The following MYO18A variants were observed in gnomAD, a reference collection of about 807,000 sequenced individuals.
MYO18A encodes the protein unconventional myosin-XVIIIa.
Under a neutral mutation model 235.8 loss-of-function variants are expected in MYO18A, and 78 were observed. The observed-to-expected ratio is 0.33, with a 90% CI of 0.28 to 0.40. The LOEUF (loss-of-function observed/expected upper bound fraction) is 0.40. MYO18A is among the 10% of genes least tolerant of loss of function. MYO18A has a pLI of 1.00. For missense variants in MYO18A, 2,215 were observed against 2,699.3 expected (o/e 0.82, Z 3.98); for synonymous variants, 977 against 1,077.8 (o/e 0.91, Z 1.83).
intron 2 of MYO18A, among the ~76,000 whole-genome samples, chr17:29,136,183 C>T (rs760269501): frequency 1.0e-4 from 15 of 146,604 alleles, no homozygotes; most frequent in Non-Finnish European, 1.9e-4. Flanking sequence ...GAGCAGAGAT[C>T]GCAATACTGC....
Position 29,082,861 on chromosome 17 carries a change from T to C in MYO18A, c.5898-423A>G, listed in dbSNP as rs368258362. On this transcript the variant is annotated intron_variant, in intron 40 of 41. Transcript: ENST00000527372. ...TCTGCCATTCCTCAGATTGTGGCTATAGCTGCTGTCAATTTCCATGCCTTT... is the reference window on the plus strand; with the variant it reads ...TCTGCCATTCCTCAGATTGTGGCTACAGCTGCTGTCAATTTCCATGCCTTT... Among the ~76,000 whole-genome samples, 153 of 152,338 alleles carry C rather than the reference T, an allele frequency of 1.0e-3. 1 individual carries two copies. Among genetic ancestry groups the C allele is most frequent in the African/African-American group, 3.6e-3 (149 of 41,576 alleles).
At chr17:29,132,079 C>T (rs923291263) in intron 2 of MYO18A, among the ~76,000 whole-genome samples, 5 of 152,160 alleles carry the variant, frequency 3.3e-5, no homozygotes, top group African/African-American at 1.2e-4. Flanking sequence ...CTGCCAACCA[C>T]GCAGCCGAGG....
chr17:29,174,727 G>A (rs898875015), intron 1 of MYO18A, among the ~76,000 whole-genome samples: 2 of 151,982 alleles, frequency 1.3e-5, no homozygotes, highest in East Asian at 1.9e-4. Flanking sequence ...CAGGAGAATC[G>A]CTTGAATCCA....
In MYO18A at chr17:29,128,456, G is replaced by T. The variant is rs189163118; in HGVS notation, c.1000-6203C>A. The T allele has an allele frequency of 2.8e-3, 3,568 of 1,289,376 alleles. 13 individuals are homozygous for T. Among genetic ancestry groups the T allele is most frequent in the Middle Eastern group, 8.8e-3 (41 of 4,680 alleles). 79.9% of individuals were successfully genotyped at this position (1,289,376 alleles called of 1,614,324 possible). On this transcript the variant is annotated intron_variant, in intron 2 of 41. Transcript: ENST00000527372. The stretch of plus-strand genomic sequence containing the variant: ...GGCGAGTGTGGGTGCAGGGCTCCTG[G>T]CTCTCTGGGAAGTCTCTGGGGGTAT...
In MYO18A at chr17:29,072,446, G is replaced by A. The variant is rs920079371; in HGVS notation, c.*2324C>T. The A allele has an allele frequency of 6.6e-6, 1 of 152,230 alleles. No homozygotes were observed. The highest frequency in any genetic ancestry group is 6.5e-5 in the Admixed American group (1 of 15,276). The allele number at this position is 152,230 out of a possible 1,614,324, so 9.4% of individuals were successfully genotyped here. A position where few individuals can be genotyped will look rare whatever the true frequency, so the allele number is the denominator to read the frequency against. On this transcript the variant is annotated 3_prime_UTR_variant, in exon 42 of 42. Coordinates refer to ENST00000527372, the MANE Select transcript of MYO18A (RefSeq NM_078471.4). ...GAGGGTTTAGGCAGGAGAATCGCTT[G>A]AACCTCGGGAGGTAGAGGTTGCAGT...
At position 29,121,228 on chromosome 17, in the gene MYO18A, A is replaced by G; in HGVS notation, c.1372-17T>C. The G allele has an allele frequency of 1.9e-6, 3 of 1,587,316 alleles. No individual in the cohort carries two copies. On this transcript the variant is annotated splice_polypyrimidine_tract_variant and intron_variant, in intron 5 of 41. Coordinates refer to ENST00000527372, the MANE Select transcript of MYO18A (RefSeq NM_078471.4). This position sits in a 1 kb window ranked among gnomAD's most constrained non-coding sequence, Gnocchi z 4.2. ...GTGCATCACCTTGGGCAGGAGAGCAAGGGAGAGAAGGGGTTGGCTCTTAGC... is the reference window on the plus strand; with the variant it reads ...GTGCATCACCTTGGGCAGGAGAGCAGGGGAGAGAAGGGGTTGGCTCTTAGC...
chr17:29,133,126 C>T (rs1235598179), intron 2 of MYO18A, among the ~76,000 whole-genome samples: 1 of 152,222 alleles, frequency 6.6e-6, no homozygotes, highest in Non-Finnish European at 1.5e-5. Context: ...TTTGGGACCC[C>T]AAATGTCTGG....
intron 2 of MYO18A, among the ~76,000 whole-genome samples, chr17:29,150,199 T>C (rs1009691596): frequency 2.0e-5 from 3 of 152,356 alleles, no homozygotes; most frequent in South Asian, 2.1e-4. Flanking sequence ...GGAGCCCCTA[T>C]TGGGCCTGTT....
chr17:29,121,117 C>T lies in MYO18A; in HGVS notation c.1466G>A (p.Arg489His), dbSNP rs548807772. ...QTAYRAMLMSRQDQSIILLGS... is the reference protein window; with the variant it reads ...QTAYRAMLMSHQDQSIILLGS... Reference sequence around the variant, plus strand: ...CAGGAGGATGATTGACTGATCCTGACGGCTCATCAGCATCGCCCTGTATGC... The same window carrying T: ...CAGGAGGATGATTGACTGATCCTGATGGCTCATCAGCATCGCCCTGTATGC... Residue 489 changes from arginine (R) to histidine (H), a missense_variant, in exon 6 of 42, where the codon CGT (arginine) becomes CAT (histidine). Transcript: ENST00000527372. The surrounding 1 kb of genome is among the most constrained non-coding windows in gnomAD (Gnocchi z 4.2). 24 of 1,611,674 alleles carry T rather than the reference C, an allele frequency of 1.5e-5. No homozygotes were observed. Among genetic ancestry groups the T allele is most frequent in the Middle Eastern group, 1.7e-4 (1 of 6,060 alleles).
rs572976267 is a variant in MYO18A at position 29,074,371 on chromosome 17, C to G, written c.*399G>C. The G allele has an allele frequency of 1.9e-5, 13 of 669,784 alleles. No homozygotes were observed. The East Asian group carries it at 3.6e-4, about 19-fold the overall frequency. The allele number at this position is 669,784 out of a possible 1,614,324, so 41.5% of individuals were successfully genotyped here. On this transcript the variant is annotated 3_prime_UTR_variant, in exon 42 of 42. Transcript: ENST00000527372. The surrounding 1 kb of genome is among the most constrained non-coding windows in gnomAD (Gnocchi z 4.4). ...AGGGAAGGCACTGCTTCTCCTCCCCCAATCCTCCCCATGGACCCAGCAACC... is the reference window on the plus strand; with the variant it reads ...AGGGAAGGCACTGCTTCTCCTCCCCGAATCCTCCCCATGGACCCAGCAACC...
rs1469800808 is a variant in MYO18A, at chr17:29,115,651, G to A, written c.2227+13C>T. The A allele has an allele frequency of 3.2e-6, 5 of 1,583,914 alleles. No individual in the cohort carries two copies. Among genetic ancestry groups the A allele is most frequent in the Non-Finnish European group, 3.4e-6 (4 of 1,165,418 alleles). ...CTCACACTCACAACTACCAGCCAAG[G>A]GACAAAGGGTACCTGTCCCATCTCC... On this transcript the variant is annotated intron_variant, in intron 12 of 41. Coordinates refer to ENST00000527372, the MANE Select transcript of MYO18A (RefSeq NM_078471.4).
At position 29,071,965 on chromosome 17, in the gene MYO18A, AAT is replaced by A. The variant is rs1400207966; in HGVS notation, c.*2803_*2804del. The A allele has an allele frequency of 3.3e-5, 5 of 152,222 alleles. No homozygotes were observed. The highest frequency in any genetic ancestry group is 1.2e-4 in the African/African-American group (5 of 41,440). 9.4% of individuals were successfully genotyped at this position (152,222 alleles called of 1,614,324 possible). ...ATATTTCTCAACTGTTAAGCAAATG[AAT>A]ATGTTTTCTGACTTGAACAAAGCTT... is the stretch of plus-strand genomic sequence containing the variant. On this transcript the variant is annotated 3_prime_UTR_variant, in exon 42 of 42. Transcript: ENST00000527372.
At chr17:29,177,344 A>G (rs777025172) in intron 1 of MYO18A, among the ~76,000 whole-genome samples, 1 of 152,188 alleles carries the variant, frequency 6.6e-6, no homozygotes, top group Non-Finnish European at 1.5e-5. Context: ...CTGTAAAATC[A>G]TCAGTCTAAC....
At position 29,109,678 on chromosome 17, in the gene MYO18A, G is replaced by T. The variant is rs1019838390; in HGVS notation, c.3331+180C>A. 3.3e-5 allele frequency among the ~76,000 whole-genome samples: 5 copies of T among 152,074 alleles called. No individual in the cohort carries two copies. Among genetic ancestry groups the T allele is most frequent in the African/African-American group, 9.7e-5 (4 of 41,398 alleles). On this transcript the variant is annotated intron_variant, in intron 19 of 41. Transcript: ENST00000527372. This position sits in a 1 kb window ranked among gnomAD's most constrained non-coding sequence, Gnocchi z 4.1. ...GAGGAGGCGGGGACTCTGCAGGATG[G>T]AAGGAAATGGACAAAGGGGCTGTGG...
intron 28 of MYO18A, among the ~76,000 whole-genome samples, chr17:29,096,320 AC>A (rs1310837081): frequency 6.6e-6 from 1 of 151,832 alleles, no homozygotes; most frequent in Non-Finnish European, 1.5e-5. Context: ...TGTGAGGGCC[AC>A]CCCCCTCCTT....
chr17:29,081,279 CT>C (rs2066115971), intron 41 of MYO18A, among the ~76,000 whole-genome samples: 1 of 152,218 alleles, frequency 6.6e-6, no homozygotes, highest in Non-Finnish European at 1.5e-5. Context: ...ACTTTTCCCC[CT>C]CTAAACGTTT....
intron 41 of MYO18A, chr17:29,079,782 T>C (rs954918022): frequency 7.1e-6 from 7 of 986,068 alleles, no homozygotes; most frequent in Non-Finnish European, 8.4e-6. Context: ...TGTCCACCTC[T>C]TTCTTGCGCT....
intron 2 of MYO18A, among the ~76,000 whole-genome samples, chr17:29,138,201 C>A (rs1387217963): frequency 6.6e-6 from 1 of 152,198 alleles, no homozygotes; most frequent in Non-Finnish European, 1.5e-5. Context: ...CTGGCCTGGA[C>A]AAATGCTTTG....
intron 22 of MYO18A, 41 bp downstream of exon 22, chr17:29,099,593 A>T: frequency 1.9e-6 from 3 of 1,599,342 alleles, no homozygotes; most frequent in Non-Finnish European, 2.6e-6. Context: ...GGCTGTGCCC[A>T]TCTAGGTTGG....
Sources: gnomAD v4.1 joint callset for allele counts (sites outside exome capture counted in the v4.1 genomes callset) on GRCh38, gnomAD v4.1.1 for gene constraint, Gnocchi (gnomAD v3.1) non-coding constraint, MANE v1.5 for transcripts, NCBI Gene and HGNC (gene_info 2026-07-23, HGNC 2026-07-21) for gene names.